The following HDAC9 variants were observed in gnomAD, a reference collection of about 807,000 sequenced individuals.
HDAC9 encodes the protein histone deacetylase 9, also known as MEF-2 interacting transcription repressor (MITR) protein.
HDAC9 carries 41 observed loss-of-function variants against 139.4 expected under a neutral mutation model. The ratio of observed to expected loss-of-function variants is 0.29; its 90% CI spans 0.23 to 0.38. HDAC9 has a LOEUF of 0.38. HDAC9 is among the 10% of genes least tolerant of loss of function. The pLI is 1.00. For synonymous variants in HDAC9, 517 were observed against 476.2 expected, an observed-to-expected ratio of 1.09 and a Z score of -1.12; for missense variants, 1,147 against 1,297.0, an observed-to-expected ratio of 0.88 and a Z score of 1.78.
chr7:18,505,905 C>G (rs904469055), intron 2 of HDAC9: 10 of 152,188 alleles, frequency 6.6e-5, no homozygotes, highest in Admixed American at 6.5e-4. Flanking sequence ...TCTTTAGCAG[C>G]CTGACTCCTT....
intron 6 of HDAC9, among the ~76,000 whole-genome samples, chr7:18,609,851 G>T (rs995956016): frequency 1.4e-5 from 2 of 146,606 alleles, no homozygotes; most frequent in African/African-American, 2.5e-5. Flanking sequence ...TCATTGTTCA[G>T]TTCCCACCTA....
intron 2 of HDAC9, among the ~76,000 whole-genome samples, chr7:18,523,074 G>A (rs1045744283): frequency 6.6e-6 from 1 of 152,054 alleles, no homozygotes; most frequent in African/African-American, 2.4e-5. Context: ...TAAATGAAGG[G>A]GAGTTCAGTG....
At chr7:18,442,899 C>A in intron 1 of HDAC9, among the ~76,000 whole-genome samples, 1 of 152,140 alleles carries the variant, frequency 6.6e-6, no homozygotes, top group African/African-American at 2.4e-5. Context: ...TGTTGTGAGT[C>A]TAATAAGATC....
chr7:18,868,497 T>A (rs1798661251), intron 21 of HDAC9, among the ~76,000 whole-genome samples: 1 of 152,192 alleles, frequency 6.6e-6, no homozygotes, highest in Admixed American at 6.5e-5. Context: ...CGACTGACAC[T>A]TTTTTAATTT....
intron 2 of HDAC9, among the ~76,000 whole-genome samples, chr7:18,555,268 C>T (rs1818443223): frequency 2.0e-5 from 3 of 152,102 alleles, no homozygotes; most frequent in African/African-American, 7.2e-5. Context: ...TTCTGGGAAC[C>T]TCTCCTAAGG....
At chr7:18,740,727 CA>C (rs1307643519) in intron 13 of HDAC9, among the ~76,000 whole-genome samples, 7 of 152,192 alleles carry the variant, frequency 4.6e-5, no homozygotes, top group Non-Finnish European at 8.8e-5. Flanking sequence ...GTGAGGAAGT[CA>C]TGTCAAAAGC....
chr7:18,317,757 A>C (rs185015665), intron 1 of HDAC9, among the ~76,000 whole-genome samples: 1 of 152,252 alleles, frequency 6.6e-6, no homozygotes, highest in Admixed American at 6.5e-5. Context: ...CTTTGGGGAA[A>C]ATCTGTAAAT....
intron 17 of HDAC9, among the ~76,000 whole-genome samples, chr7:18,823,440 G>C (rs1232301105): frequency 6.6e-6 from 1 of 152,186 alleles, no homozygotes; most frequent in Non-Finnish European, 1.5e-5. Flanking sequence ...GTGGCTTTTA[G>C]ATATGCTTAG....
intron 2 of HDAC9, among the ~76,000 whole-genome samples, chr7:18,186,973 C>G (rs1489189488): frequency 1.3e-5 from 2 of 152,146 alleles, no homozygotes; most frequent in Admixed American, 6.5e-5. Flanking sequence ...ACTTTTACTT[C>G]CCCAAAGTGT....
intron 25 of HDAC9, 60 bp from the exon 26 acceptor site, chr7:18,995,963 A>C (rs1786430391): frequency 7.6e-7 from 1 of 1,318,766 alleles, no homozygotes; most frequent in Non-Finnish European, 1.1e-6. Context: ...TATGCATGAA[A>C]ATCTACAATG....
chr7:18,120,207 T>A (rs1273987381), intron 1 of HDAC9, among the ~76,000 whole-genome samples: 1 of 152,154 alleles, frequency 6.6e-6, no homozygotes, highest in Non-Finnish European at 1.5e-5. Flanking sequence ...TGGCATCTAG[T>A]GGGCAGAGGC....
intron 12 of HDAC9, among the ~76,000 whole-genome samples, chr7:18,686,431 A>G (rs1016227858): frequency 7.2e-5 from 11 of 151,874 alleles, no homozygotes; most frequent in Non-Finnish European, 1.3e-4. Context: ...ATGTCTTAGC[A>G]TTTTTAATTC....
intron 2 of HDAC9, among the ~76,000 whole-genome samples, chr7:18,533,750 T>G (rs1477283802): frequency 6.6e-6 from 1 of 152,194 alleles, no homozygotes; most frequent in African/African-American, 2.4e-5. Flanking sequence ...TTAATATAAC[T>G]TCTTCTCCTT....
intron 16 of HDAC9, among the ~76,000 whole-genome samples, chr7:18,784,716 C>G (rs1486217399): frequency 6.6e-6 from 1 of 151,956 alleles, no homozygotes; most frequent in African/African-American, 2.4e-5. Flanking sequence ...AAATGTTATA[C>G]CCATCTCTCA....
At chr7:18,907,811 C>G (rs1449223953) in intron 22 of HDAC9, among the ~76,000 whole-genome samples, 1 of 152,124 alleles carries the variant, frequency 6.6e-6, no homozygotes, top group Non-Finnish European at 1.5e-5. Context: ...CTTAGAATGT[C>G]TGGTCATTTG....
chr7:18,765,533 C>T (rs991732760), intron 15 of HDAC9, among the ~76,000 whole-genome samples: 2 of 151,918 alleles, frequency 1.3e-5, no homozygotes, highest in African/African-American at 4.8e-5. Flanking sequence ...GCAGAAGAAT[C>T]GGTGGAGGCT....
intron 2 of HDAC9, among the ~76,000 whole-genome samples, chr7:18,549,622 T>C (rs1043215833): frequency 6.6e-6 from 1 of 152,232 alleles, no homozygotes; most frequent in African/African-American, 2.4e-5. Flanking sequence ...GATTTTGATA[T>C]TGTACTATTA....
At chr7:18,389,722 C>A (rs1374470030) in intron 1 of HDAC9, among the ~76,000 whole-genome samples, 1 of 152,086 alleles carries the variant, frequency 6.6e-6, no homozygotes, top group Non-Finnish European at 1.5e-5. Context: ...ACCTTAAAGA[C>A]AGTTGGACTT....
At chr7:18,379,057 T>A (rs923411288) in intron 1 of HDAC9, among the ~76,000 whole-genome samples, 1 of 152,196 alleles carries the variant, frequency 6.6e-6, no homozygotes, top group Non-Finnish European at 1.5e-5. Context: ...ATGTTTGTAG[T>A]TGAAATGCAG....
Sources: allele counts gnomAD v4.1 joint callset (sites outside exome capture counted in the v4.1 genomes callset), GRCh38; gene constraint gnomAD v4.1.1; transcripts MANE v1.5; gene names NCBI Gene and HGNC (gene_info 2026-07-23, HGNC 2026-07-21).